Variants in CSGALNACT1 observed in about 807,000 individuals in gnomAD.
CSGALNACT1 encodes chondroitin sulfate N-acetylgalactosaminyltransferase 1.
CSGALNACT1 carries 52 observed loss-of-function variants against 51.0 expected under a neutral mutation model. The ratio of observed to expected loss-of-function variants is 1.02; its 90% CI spans 0.82 to 1.29. The LOEUF is 1.29. Among genes scored for constraint, CSGALNACT1 ranks in the 50% most tolerant of loss-of-function variants. The probability of loss-of-function intolerance (pLI) is 0.00; values close to 1 mark genes in which losing one functional copy is unlikely to be tolerated. For synonymous variants in CSGALNACT1, 341 were observed against 254.4 expected (o/e 1.34, Z -3.24); for missense variants, 935 against 679.2 (o/e 1.38, Z -4.19).
At position 19,717,665 on chromosome 8, in the gene CSGALNACT1, C is replaced by T. The variant is rs190670116; in HGVS notation, c.-297+40185G>A. Among the ~76,000 whole-genome samples, 14 of 152,332 alleles carry T rather than the reference C, an allele frequency of 9.2e-5. No individual in the cohort carries two copies. In the East Asian group the frequency reaches 2.7e-3, roughly 29 times the overall value. On this transcript the variant is annotated intron_variant, in intron 1 of 1. Transcript: ENST00000517494. ...ATTCGGGTCTCCGGTTCCCAGGACCCACTGCCCTGAGCTCCTGAATGGGAC... is the reference window on the plus strand; with the variant it reads ...ATTCGGGTCTCCGGTTCCCAGGACCTACTGCCCTGAGCTCCTGAATGGGAC...
At chr8:19,673,574 A>G (rs2059954036) in intron 1 of CSGALNACT1, among the ~76,000 whole-genome samples, 1 of 152,208 alleles carries the variant, frequency 6.6e-6, no homozygotes, top group Non-Finnish European at 1.5e-5. Context: ...GTGTATTTCC[A>G]TCTTTAATTC....
intron 5 of CSGALNACT1, 80 bp downstream of exon 4, chr8:19,458,346 T>C (rs1398451589): frequency 1.8e-6 from 2 of 1,142,478 alleles, no homozygotes; most frequent in East Asian, 2.3e-5. Flanking sequence ...GCAGGGGAAA[T>C]GAAGGAGATG....
chr8:19,458,462 C>G, exon 5 of CSGALNACT1: 1 of 1,614,132 alleles, frequency 6.2e-7, no homozygotes, highest in Non-Finnish European at 8.5e-7. Context: ...CTTGTCCACC[C>G]TTTTTGCTAG....
At chr8:19,648,255 A>C (rs2057455564) in intron 1 of CSGALNACT1, among the ~76,000 whole-genome samples, 1 of 152,202 alleles carries the variant, frequency 6.6e-6, no homozygotes, top group Non-Finnish European at 1.5e-5. Flanking sequence ...TCAAATTTCC[A>C]AGTATGGATG....
chr8:19,515,279 C>T (rs1350688145), intron 3 of CSGALNACT1, among the ~76,000 whole-genome samples: 1 of 152,212 alleles, frequency 6.6e-6, no homozygotes, highest in Non-Finnish European at 1.5e-5. Context: ...CCACCCACAA[C>T]CCACTTCCCT....
chr8:19,745,194 A>G (rs1216597714), intron 1 of CSGALNACT1, among the ~76,000 whole-genome samples: 1 of 152,234 alleles, frequency 6.6e-6, no homozygotes, highest in Non-Finnish European at 1.5e-5. Context: ...GGTTTAGCAC[A>G]TAGTAAAACT....
chr8:19,503,242 G>T (rs549827958), intron 4 of CSGALNACT1, among the ~76,000 whole-genome samples: 1 of 152,286 alleles, frequency 6.6e-6, no homozygotes, highest in South Asian at 2.1e-4. Flanking sequence ...ACACATGTGG[G>T]TCTGTCTGCC....
At chr8:19,699,015 T>C (rs934389883) in intron 1 of CSGALNACT1, among the ~76,000 whole-genome samples, 2 of 152,174 alleles carry the variant, frequency 1.3e-5, no homozygotes, top group Non-Finnish European at 2.9e-5. Flanking sequence ...TGTAAATAAT[T>C]GTTGCAGTGT....
At position 19,440,102 on chromosome 8, in the gene CSGALNACT1, G is replaced by C. The variant is rs372863664; in HGVS notation, c.852-171C>G. On this transcript the variant is annotated intron_variant, in intron 5 of 9. Transcript: ENST00000454498. The stretch of plus-strand genomic sequence containing the variant: ...TTCTGGTTGGCCATTCCAACTATCT[G>C]TATTTGTATTCATCTTATCGGGACA... Among the ~76,000 whole-genome samples, 45 of 152,270 alleles carry C rather than the reference G, an allele frequency of 3.0e-4. No individual in the cohort carries two copies. In the East Asian group the frequency reaches 7.5e-3, roughly 25 times the overall value.
At chr8:19,702,349 C>A (rs2061926801) in intron 1 of CSGALNACT1, among the ~76,000 whole-genome samples, 1 of 151,930 alleles carries the variant, frequency 6.6e-6, no homozygotes, top group South Asian at 2.1e-4. Flanking sequence ...CTCATCTCTA[C>A]AATAAAATTA....
chr8:19,492,824 G>A (rs2074646285), intron 4 of CSGALNACT1, among the ~76,000 whole-genome samples: 1 of 150,940 alleles, frequency 6.6e-6, no homozygotes. Context: ...ATAGTAATCT[G>A]TTGACTATGA....
intron 3 of CSGALNACT1, among the ~76,000 whole-genome samples, chr8:19,525,467 A>AT (rs2081479660): frequency 6.6e-6 from 1 of 151,568 alleles, no homozygotes; most frequent in Non-Finnish European, 1.5e-5. Flanking sequence ...GAAAAAAAAA[A>AT]TTAGCTGGGC....
chr8:19,682,127 C>T (rs7816924), intron 1 of CSGALNACT1, among the ~76,000 whole-genome samples: 29,500 of 151,998 alleles, frequency 0.19, 3,268 homozygotes, highest in East Asian at 0.41. Context: ...TTGTGAAGGT[C>T]GTGTTTATTT....
chr8:19,707,025 G>A (rs557352069), intron 1 of CSGALNACT1, among the ~76,000 whole-genome samples: 1 of 152,140 alleles, frequency 6.6e-6, no homozygotes, highest in South Asian at 2.1e-4. Flanking sequence ...TGAGATGGGG[G>A]AAGGAGAGAG....
chr8:19,615,272 C>T (rs769707070), intron 1 of CSGALNACT1, among the ~76,000 whole-genome samples: 7 of 152,166 alleles, frequency 4.6e-5, no homozygotes, highest in Non-Finnish European at 1.0e-4. Flanking sequence ...CACTGTACTC[C>T]AGCCTGGGGG....
At chr8:19,633,081 G>A (rs976784543) in intron 1 of CSGALNACT1, among the ~76,000 whole-genome samples, 3 of 151,946 alleles carry the variant, frequency 2.0e-5, no homozygotes, top group Non-Finnish European at 2.9e-5. Flanking sequence ...CCAGCTGAGG[G>A]CTTTTTAAAA....
intron 3 of CSGALNACT1, among the ~76,000 whole-genome samples, chr8:19,584,371 T>A (rs567649326): frequency 6.6e-6 from 1 of 152,164 alleles, no homozygotes; most frequent in African/African-American, 2.4e-5. Context: ...ATTTTCACAT[T>A]AGAATGTCAA....
intron 6 of CSGALNACT1, among the ~76,000 whole-genome samples, chr8:19,438,645 T>C (rs1366510923): frequency 6.6e-6 from 1 of 152,204 alleles, no homozygotes; most frequent in Non-Finnish European, 1.5e-5. Context: ...GTCTTTGTGG[T>C]GACTACTCAG....
chr8:19,723,094 T>C (rs568705532), intron 1 of CSGALNACT1, among the ~76,000 whole-genome samples: 2 of 152,362 alleles, frequency 1.3e-5, no homozygotes, highest in East Asian at 3.9e-4. Flanking sequence ...TATGCTAATT[T>C]ATTTTCTCAG....
Sources: gnomAD v4.1 joint callset for allele counts (sites outside exome capture counted in the v4.1 genomes callset) on GRCh38, gnomAD v4.1.1 for gene constraint, MANE v1.5 for transcripts, NCBI Gene and HGNC (gene_info 2026-07-23, HGNC 2026-07-21) for gene names.